CEP112: variants seen among roughly 807,000 people sequenced by gnomAD.
CEP112 encodes centrosomal protein of 112 kDa.
Under a neutral mutation model 153.0 loss-of-function variants are expected in CEP112, and 127 were observed. The observed-to-expected ratio is 0.83, with a 90% CI of 0.72 to 0.96. CEP112 has a LOEUF of 0.96. Among genes scored for constraint, CEP112 ranks in the 40% least tolerant of loss-of-function variants. The pLI is 0.00. For synonymous variants in CEP112, 358 were observed against 374.4 expected (o/e 0.96, Z 0.51); for missense variants, 1,089 against 1,101.2 (o/e 0.99, Z 0.16).
rs558451639 is a variant in CEP112 at position 65,893,162 on chromosome 17, G to C, written c.2163+8990C>G. 1.1e-4 allele frequency among the ~76,000 whole-genome samples: 17 copies of C among 151,916 alleles called. No homozygotes were observed. The South Asian group carries it at 3.5e-3, about 32-fold the overall frequency. ...TATCACAGAGCCACAGTTATCCAGT[G>C]AAACGACACACACACTCCTCGAGAC... is the stretch of plus-strand genomic sequence containing the variant. On this transcript the variant is annotated intron_variant, in intron 20 of 26. Transcript: ENST00000535342.
intron 16 of CEP112, among the ~76,000 whole-genome samples, chr17:66,014,656 G>C (rs999910271): frequency 6.6e-6 from 1 of 152,142 alleles, no homozygotes; most frequent in African/African-American, 2.4e-5. Context: ...TCCAAAGCAA[G>C]AGCAGCTCAC....
intron 17 of CEP112, among the ~76,000 whole-genome samples, chr17:65,983,415 C>T (rs1206191405): frequency 6.6e-6 from 1 of 152,086 alleles, no homozygotes; most frequent in African/African-American, 2.4e-5. Context: ...GGATATGTGT[C>T]CCCTCCAAAT....
intron 18 of CEP112, among the ~76,000 whole-genome samples, chr17:65,937,495 G>T (rs1178007930): frequency 8.3e-6 from 1 of 119,970 alleles, no homozygotes. Flanking sequence ...GAGACCCTCT[G>T]CCTGGCAACC....
intron 17 of CEP112, among the ~76,000 whole-genome samples, chr17:65,980,638 C>T (rs1212789642): frequency 6.6e-6 from 1 of 152,154 alleles, no homozygotes; most frequent in Non-Finnish European, 1.5e-5. Context: ...GGGAAGTAAG[C>T]TTTTCTCCAA....
chr17:65,879,936 A>G (rs2058999128), intron 20 of CEP112, among the ~76,000 whole-genome samples: 1 of 151,974 alleles, frequency 6.6e-6, no homozygotes, highest in South Asian at 2.1e-4. Flanking sequence ...ATAAACAACA[A>G]CAAAGCTAGG....
chr17:65,731,180 T>C (rs1196380169), intron 23 of CEP112, among the ~76,000 whole-genome samples: 1 of 152,108 alleles, frequency 6.6e-6, no homozygotes, highest in East Asian at 1.9e-4. Flanking sequence ...CCCTGGAGTA[T>C]ACAAATTGTG....
At chr17:65,720,218 T>A (rs1201340883) in intron 23 of CEP112, among the ~76,000 whole-genome samples, 1 of 152,112 alleles carries the variant, frequency 6.6e-6, no homozygotes, top group Non-Finnish European at 1.5e-5. Context: ...AGAGTTTCAG[T>A]TTTCAGTAGG....
chr17:65,654,056 CAAA>C (rs773433478), intron 24 of CEP112, among the ~76,000 whole-genome samples: 7 of 26,874 alleles, frequency 2.6e-4, no homozygotes, highest in East Asian at 8.0e-4. Flanking sequence ...AAGACTCCAT[CAAA>C]AAAAAAAAAA....
chr17:66,080,896 G>A (rs929986884), intron 8 of CEP112, among the ~76,000 whole-genome samples: 2 of 152,084 alleles, frequency 1.3e-5, no homozygotes, highest in African/African-American at 4.8e-5. Context: ...ATCATTCTCA[G>A]CAAACTAACA....
intron 24 of CEP112, among the ~76,000 whole-genome samples, chr17:65,684,425 T>A (rs751625236): frequency 6.6e-6 from 1 of 152,248 alleles, no homozygotes; most frequent in Non-Finnish European, 1.5e-5. Context: ...GGAATTTTGC[T>A]CTGTGTATGT....
At chr17:65,698,463 TAAA>T (rs1188670842) in intron 23 of CEP112, among the ~76,000 whole-genome samples, 2 of 152,192 alleles carry the variant, frequency 1.3e-5, no homozygotes, top group African/African-American at 4.8e-5. Context: ...ATGCACTTTT[TAAA>T]AAGTTAATGT....
chr17:65,774,733 A>G (rs1258879153), intron 21 of CEP112, among the ~76,000 whole-genome samples: 4 of 152,102 alleles, frequency 2.6e-5, no homozygotes, highest in Non-Finnish European at 5.9e-5. Flanking sequence ...GAACCAGGGG[A>G]GTGACTGAGG....
At chr17:65,996,146 G>A (rs899800024) in intron 17 of CEP112, among the ~76,000 whole-genome samples, 1 of 151,694 alleles carries the variant, frequency 6.6e-6, no homozygotes, top group Non-Finnish European at 1.5e-5. Flanking sequence ...GTGTGTGTGT[G>A]TGTGTGTGTG....
At chr17:65,927,510 T>G in intron 19 of CEP112, 72 bp downstream of exon 19, 1 of 779,656 alleles carries the variant, frequency 1.3e-6, no homozygotes, top group South Asian at 1.7e-5. Context: ...TATTTTGTGA[T>G]AGTGATTTTT....
intron 23 of CEP112, among the ~76,000 whole-genome samples, chr17:65,742,044 T>G (rs2051169119): frequency 6.6e-6 from 1 of 150,474 alleles, no homozygotes; most frequent in African/African-American, 2.4e-5. Flanking sequence ...AGAGGCCGGA[T>G]GTAATGGCCT....
chr17:66,129,727 A>G lies in CEP112; in HGVS notation c.642+19T>C. 1 of 1,556,126 alleles carries G rather than the reference A, an allele frequency of 6.4e-7. No homozygotes were observed. Among genetic ancestry groups the G allele is most frequent in the Non-Finnish European group, 8.8e-7 (1 of 1,130,784 alleles). On this transcript the variant is annotated intron_variant, in intron 6 of 26. Transcript: ENST00000535342. ...TTTTGACACATCTATATATACATAA[A>G]GCAAATACTTTTTTTTACCCCAAGA... is the stretch of plus-strand genomic sequence containing the variant.
chr17:65,686,510 A>G (rs753685334), intron 24 of CEP112, among the ~76,000 whole-genome samples: 31 of 152,236 alleles, frequency 2.0e-4, no homozygotes, highest in Non-Finnish European at 3.5e-4. Context: ...ACCACAAACT[A>G]GAGAAGCCCC....
At position 65,637,148 on chromosome 17, in the gene CEP112, T is replaced by C; in HGVS notation, c.2840A>G (p.Glu947Gly). The C allele has an allele frequency of 6.2e-7, 1 of 1,614,058 alleles. No individual in the cohort carries two copies. Among genetic ancestry groups the C allele is most frequent in the Non-Finnish European group, 8.5e-7 (1 of 1,179,916 alleles). ...CCTTCTGCCTTGATATGTAGTCAGT[T>C]CTTCCTGAAGGATGGAAGCTCTCTT... is the stretch of plus-strand genomic sequence containing the variant. ...LQKRASILQE[E>G]LTTYQGRR Residue 947 changes from glutamate (E) to glycine (G), a missense_variant, in exon 26 of 27, where the codon GAA becomes GGA. Physicochemically the swap from Glu to Gly is moderately conservative, Grantham distance 98 (BLOSUM62 -2). Coordinates refer to ENST00000535342, the MANE Select transcript of CEP112 (RefSeq NM_001199165.4).
At chr17:66,115,737 T>C (rs2069259660) in intron 6 of CEP112, among the ~76,000 whole-genome samples, 1 of 152,194 alleles carries the variant, frequency 6.6e-6, no homozygotes, top group South Asian at 2.1e-4. Context: ...CTAATTTTAG[T>C]CATTCAGAGA....
Sources: gnomAD v4.1 joint callset for allele counts (sites outside exome capture counted in the v4.1 genomes callset) on GRCh38, gnomAD v4.1.1 for gene constraint, MANE v1.5 for transcripts, NCBI Gene and HGNC (gene_info 2026-07-23, HGNC 2026-07-21) for gene names.